The following UNC13B variants were observed in gnomAD, a reference collection of about 807,000 sequenced individuals.
UNC13B encodes the protein protein unc-13 homolog B.
Under a neutral mutation model 211.0 loss-of-function variants are expected in UNC13B, and 144 were observed. The ratio of observed to expected loss-of-function variants is 0.68; its 90% CI spans 0.60 to 0.78. The LOEUF is 0.78. Among genes scored for constraint, UNC13B ranks in the 30% least tolerant of loss-of-function variants. The probability of loss-of-function intolerance (pLI) is 0.00; values close to 1 mark genes in which losing one functional copy is unlikely to be tolerated. For missense variants in UNC13B, 1,777 were observed against 2,002.0 expected (o/e 0.89, Z 2.14); for synonymous variants, 709 against 725.8 (o/e 0.98, Z 0.37).
chr9:35,238,981 A>T (rs778547482), intron 5 of UNC13B, among the ~76,000 whole-genome samples: 2 of 151,492 alleles, frequency 1.3e-5, no homozygotes, highest in Admixed American at 1.3e-4. Flanking sequence ...TTGAGTCTAG[A>T]ATAAATTTCT....
chr9:35,213,570 C>T (rs985015855), intron 1 of UNC13B, among the ~76,000 whole-genome samples: 2 of 152,186 alleles, frequency 1.3e-5, no homozygotes, highest in Non-Finnish European at 2.9e-5. Context: ...ATAATGGCTT[C>T]CTGGTGACAA....
intron 35 of UNC13B, 87 bp from the exon 36 acceptor site, chr9:35,399,562 A>G (rs899204571): frequency 6.3e-7 from 1 of 1,598,424 alleles, no homozygotes; most frequent in Non-Finnish European, 8.6e-7. Flanking sequence ...AAAGGAGGAG[A>G]TGAATATGCA....
chr9:35,174,574 G>A (rs1276976958), intron 1 of UNC13B, among the ~76,000 whole-genome samples: 2 of 148,016 alleles, frequency 1.4e-5, no homozygotes, highest in East Asian at 3.9e-4. Context: ...TTGAGACAGA[G>A]TCTCACTCTG....
chr9:35,303,878 G>T lies in UNC13B; in HGVS notation c.4474G>T (p.Glu1492Ter). 1 of 398,746 alleles carries T rather than the reference G, an allele frequency of 2.5e-6. No individual in the cohort carries two copies. The highest frequency in any genetic ancestry group is 4.4e-6 in the Non-Finnish European group (1 of 225,838). 24.7% of individuals were successfully genotyped at this position (398,746 alleles called of 1,614,324 possible). A position where few individuals can be genotyped will look rare whatever the true frequency, so the allele number is the denominator to read the frequency against. The change falls in exon 9 of 40, where the codon GAA becomes TAA. Residue 1492 changes from glutamate to a stop codon, truncating the protein, a stop_gained. Transcript: ENST00000635942. LOFTEE classifies it high-confidence loss of function. ...GACTACATGCCCCGTAGTTGATCAA[G>T]AATCATTAAGAATGGATGAAAACTT... ...EKTTCPVVDQ[E>*]SLRMDENFVF... is the part of the protein sequence containing the mutation.
In UNC13B at chr9:35,232,177, CTTTT is replaced by C. The variant is rs547048403; in HGVS notation, c.152+976_152+979del. The stretch of plus-strand genomic sequence containing the variant: ...CCTCTGGGCTCTTGGTATATTGCTG[CTTTT>C]TTTTTTTTTTTTTTTTTGAGGCAGG... On this transcript the variant is annotated intron_variant, in intron 3 of 39. Transcript: ENST00000635942. Among the ~76,000 whole-genome samples, 30 of 31,548 alleles carry C rather than the reference CTTTT, an allele frequency of 9.5e-4. 6 individuals carry two copies. The South Asian group carries it at 0.05, about 53-fold the overall frequency. 20.7% of individuals were successfully genotyped at this position (31,548 alleles called of 152,430 possible). A position where few individuals can be genotyped will look rare whatever the true frequency, so the allele number is the denominator to read the frequency against.
intron 7 of UNC13B, among the ~76,000 whole-genome samples, chr9:35,283,997 C>A (rs944163465): frequency 6.6e-6 from 1 of 152,158 alleles, no homozygotes; most frequent in Non-Finnish European, 1.5e-5. Context: ...TGGTGTTTCA[C>A]GCCTGTAATC....
At chr9:35,276,258 A>T (rs1240202887) in intron 7 of UNC13B, among the ~76,000 whole-genome samples, 3 of 147,508 alleles carry the variant, frequency 2.0e-5, no homozygotes, top group Non-Finnish European at 4.5e-5. Context: ...ATGAGCCAAG[A>T]TTATGCCACT....
chr9:35,217,770 G>T (rs1037133672), intron 1 of UNC13B, among the ~76,000 whole-genome samples: 1 of 152,152 alleles, frequency 6.6e-6, no homozygotes, highest in African/African-American at 2.4e-5. Flanking sequence ...AAGGCTGGGT[G>T]CGGTGGCTTA....
chr9:35,366,860 G>A, intron 11 of UNC13B, 87 bp from the exon 12 acceptor site: 1 of 1,145,536 alleles, frequency 8.7e-7, no homozygotes. Context: ...CACTGCTCTG[G>A]GCTTGTACTC....
Position 35,302,583 on chromosome 9 carries a change from T to C in UNC13B, c.3179T>C (p.Ile1060Thr), listed in dbSNP as rs1333714293. 4 of 398,470 alleles carry C rather than the reference T, an allele frequency of 1.0e-5. No homozygotes were observed. Among genetic ancestry groups the C allele is most frequent in the Non-Finnish European group, 1.8e-5 (4 of 225,748 alleles). The allele number at this position is 398,470 out of a possible 1,614,324, so 24.7% of individuals were successfully genotyped here. A position where few individuals can be genotyped will look rare whatever the true frequency, so the allele number is the denominator to read the frequency against. ...AATGATCTGGGGAAATTTGGGAATA[T>C]AGAGGAATTAAATCCAAGTGACCAC... ...INNDLGKFGNIEELNPSDHTA... is the reference protein window; with the variant it reads ...INNDLGKFGNTEELNPSDHTA... The change falls in exon 9 of 40, where the codon ATA becomes ACA. Residue 1060 changes from isoleucine (I) to threonine (T), a missense_variant. Physicochemically the swap from Ile to Thr is moderately conservative, Grantham distance 89. Coordinates refer to ENST00000635942, the MANE Select transcript of UNC13B (RefSeq NM_001371189.2).
At position 35,337,629 on chromosome 9, in the gene UNC13B, A is replaced by G. The variant is rs191378435; in HGVS notation, c.9414+23640A>G. On this transcript the variant is annotated intron_variant, in intron 11 of 39. Transcript: ENST00000635942. Reference sequence around the variant, plus strand: ...TTTGTACATTAGCTACCTTCCTGTAATTCAGTACCTCATATCAGATACTTT... The same window carrying G: ...TTTGTACATTAGCTACCTTCCTGTAGTTCAGTACCTCATATCAGATACTTT... Among the ~76,000 whole-genome samples the G allele has an allele frequency of 8.5e-3, 1,295 of 152,314 alleles. 18 individuals carry two copies. The highest frequency in any genetic ancestry group is 0.015 in the Non-Finnish European group (1,015 of 68,038).
intron 11 of UNC13B, among the ~76,000 whole-genome samples, chr9:35,322,667 C>T (rs768868704): frequency 5.5e-4 from 84 of 152,170 alleles, no homozygotes; most frequent in Middle Eastern, 3.4e-3. Flanking sequence ...AAGTGACTTC[C>T]TTCTTGTTCT....
chr9:35,231,072 A>G, intron 2 of UNC13B, 48 bp from the exon 3 acceptor site: 2 of 1,261,838 alleles, frequency 1.6e-6, no homozygotes, highest in Non-Finnish European at 2.3e-6. Context: ...GAGATGGGTA[A>G]CAATCTGAGC....
chr9:35,365,026 C>G (rs1833687055), intron 11 of UNC13B, among the ~76,000 whole-genome samples: 1 of 152,192 alleles, frequency 6.6e-6, no homozygotes, highest in African/African-American at 2.4e-5. Context: ...CATTTCCTGC[C>G]TCTTGCCTGA....
chr9:35,258,068 C>T (rs534369310), intron 6 of UNC13B, among the ~76,000 whole-genome samples: 2 of 152,212 alleles, frequency 1.3e-5, no homozygotes, highest in African/African-American at 4.8e-5. Flanking sequence ...AGGCCTTGCA[C>T]GTAGTGGATA....
chr9:35,376,871 C>T (rs771041618), intron 15 of UNC13B, among the ~76,000 whole-genome samples: 1 of 152,148 alleles, frequency 6.6e-6, no homozygotes, highest in Non-Finnish European at 1.5e-5. Flanking sequence ...GAAATGGTAG[C>T]GCTCAAAGTT....
At chr9:35,336,387 C>T (rs1313039703) in intron 11 of UNC13B, among the ~76,000 whole-genome samples, 4 of 152,304 alleles carry the variant, frequency 2.6e-5, no homozygotes, top group East Asian at 3.9e-4. Flanking sequence ...CTTGCTTTAA[C>T]ATTTCCCCCG....
chr9:35,256,676 C>T (rs1427810595), intron 6 of UNC13B, among the ~76,000 whole-genome samples: 1 of 152,124 alleles, frequency 6.6e-6, no homozygotes, highest in Non-Finnish European at 1.5e-5. Flanking sequence ...TTAATACCCA[C>T]CTGGACAGGC....
intron 6 of UNC13B, among the ~76,000 whole-genome samples, chr9:35,255,281 A>G (rs1458456423): frequency 6.6e-6 from 1 of 150,834 alleles, no homozygotes; most frequent in Non-Finnish European, 1.5e-5. Context: ...TTAGATTTAT[A>G]GAAATATTGA....
Sources: allele counts gnomAD v4.1 joint callset (sites outside exome capture counted in the v4.1 genomes callset), GRCh38; gene constraint gnomAD v4.1.1; transcripts MANE v1.5; gene names NCBI Gene and HGNC (gene_info 2026-07-23, HGNC 2026-07-21).